The following NKAIN3 variants were observed in gnomAD, a reference collection of about 807,000 sequenced individuals.
The protein encoded by NKAIN3 is sodium/potassium transporting ATPase interacting 3.
Under a neutral mutation model 30.2 loss-of-function variants are expected in NKAIN3, and 25 were observed. That is an observed-to-expected ratio of 0.83 (90% CI 0.60 to 1.16). NKAIN3 has a LOEUF of 1.16. Among genes scored for constraint, NKAIN3 ranks in the 50% most tolerant of loss-of-function variants. The probability of loss-of-function intolerance (pLI) is 0.00; values close to 1 mark genes in which losing one functional copy is unlikely to be tolerated. For synonymous variants in NKAIN3, 91 were observed against 89.6 expected (o/e 1.02, Z -0.09); for missense variants, 225 against 254.1 (o/e 0.89, Z 0.78).
At chr8:62,650,940 A>T (rs999560416) in intron 3 of NKAIN3, among the ~76,000 whole-genome samples, 1 of 152,132 alleles carries the variant, frequency 6.6e-6, no homozygotes, top group Non-Finnish European at 1.5e-5. Flanking sequence ...TCTTTATGAG[A>T]AAAATATAAA....
rs542396930 is a variant in NKAIN3 at position 62,435,950 on chromosome 8, T to C, written c.55-143589T>C. ...CATTAAATATTCTACACAGTATGCCTTTATATGAGTATACAATGCTTTAAC... is the reference window on the plus strand; with the variant it reads ...CATTAAATATTCTACACAGTATGCCCTTATATGAGTATACAATGCTTTAAC... On this transcript the variant is annotated intron_variant, in intron 1 of 6. Transcript: ENST00000623646. Among the ~76,000 whole-genome samples the C allele has an allele frequency of 7.2e-5, 11 of 152,314 alleles. No individual in the cohort carries two copies. In the South Asian group the frequency reaches 2.3e-3, roughly 32 times the overall value.
At chr8:62,579,816 G>A in intron 2 of NKAIN3, 140 bp downstream of exon 2, 1 of 449,728 alleles carries the variant, frequency 2.2e-6, no homozygotes, top group Non-Finnish European at 3.7e-6. Context: ...ATTTTGTTAA[G>A]AAGTGATTAT....
chr8:62,676,350 C>T (rs1813473896), intron 3 of NKAIN3, among the ~76,000 whole-genome samples: 2 of 152,162 alleles, frequency 1.3e-5, no homozygotes, highest in South Asian at 2.1e-4. Flanking sequence ...AGGTGGATCA[C>T]GAGGTTAGGA....
chr8:62,946,935 G>A (rs1384430778), intron 5 of NKAIN3, among the ~76,000 whole-genome samples: 2 of 152,264 alleles, frequency 1.3e-5, no homozygotes, highest in East Asian at 1.9e-4. Context: ...AAACGCCTAC[G>A]TTCTGGTTAA....
chr8:62,493,621 C>A (rs568862292), intron 1 of NKAIN3, among the ~76,000 whole-genome samples: 1 of 152,042 alleles, frequency 6.6e-6, no homozygotes, highest in African/African-American at 2.4e-5. Context: ...GCAGTATGGC[C>A]ATTTTAGTGA....
intron 1 of NKAIN3, among the ~76,000 whole-genome samples, chr8:62,345,507 A>ACATATG (rs1815950574): frequency 5.4e-5 from 1 of 18,448 alleles, no homozygotes; most frequent in East Asian, 9.6e-3. Flanking sequence ...ATATATACAC[A>ACATATG]TATATACACA....
At chr8:62,275,020 A>C (rs1235017595) in intron 1 of NKAIN3, among the ~76,000 whole-genome samples, 1 of 152,148 alleles carries the variant, frequency 6.6e-6, no homozygotes, top group Non-Finnish European at 1.5e-5. Flanking sequence ...GTTGGTTCCA[A>C]ATCTTTGCTA....
At chr8:62,364,005 A>G (rs1334579672) in intron 1 of NKAIN3, among the ~76,000 whole-genome samples, 1 of 152,180 alleles carries the variant, frequency 6.6e-6, no homozygotes, top group Admixed American at 6.5e-5. Context: ...GCTAGGGTGA[A>G]ATGGTTACCC....
In NKAIN3 at chr8:62,981,588, T is replaced by A. The variant is rs1824078858; in HGVS notation, c.*16181T>A. 6.6e-6 allele frequency: 1 copy of A among 152,026 alleles called. No individual in the cohort carries two copies. Among genetic ancestry groups the A allele is most frequent in the Admixed American group, 6.6e-5 (1 of 15,256 alleles). The allele number at this position is 152,026 out of a possible 1,614,324, so 9.4% of individuals were successfully genotyped here. On this transcript the variant is annotated 3_prime_UTR_variant, in exon 7 of 7. Coordinates refer to ENST00000623646, the MANE Select transcript of NKAIN3 (RefSeq NM_001304533.3). ...GATAACTCACATTGAGAACTTGTGA[T>A]CTGAAAGCACTAAGGAATTTCTGCC...
intron 4 of NKAIN3, among the ~76,000 whole-genome samples, chr8:62,873,985 A>G (rs971885183): frequency 6.6e-5 from 10 of 152,148 alleles, no homozygotes; most frequent in Non-Finnish European, 1.2e-4. Context: ...AACTAAGATC[A>G]GAGAAGAATT....
At chr8:62,628,746 T>C (rs990956400) in intron 3 of NKAIN3, among the ~76,000 whole-genome samples, 3 of 152,124 alleles carry the variant, frequency 2.0e-5, no homozygotes, top group African/African-American at 7.2e-5. Flanking sequence ...GAAGTTCTTA[T>C]AGATTTCTCA....
intron 1 of NKAIN3, among the ~76,000 whole-genome samples, chr8:62,407,887 C>G (rs1804123949): frequency 6.6e-6 from 1 of 152,126 alleles, no homozygotes; most frequent in Non-Finnish European, 1.5e-5. Flanking sequence ...TATATTTGGT[C>G]TATGTGGTGG....
intron 4 of NKAIN3, among the ~76,000 whole-genome samples, chr8:62,829,312 CAAGCTTCCCACA>C (rs1819122675): frequency 6.6e-6 from 1 of 152,154 alleles, no homozygotes; most frequent in Non-Finnish European, 1.5e-5. Context: ...TCAGTTTTAA[CAAGCTTCCCACA>C]TGGTTCTTCT....
At chr8:62,590,389 C>G (rs1810615543) in intron 3 of NKAIN3, among the ~76,000 whole-genome samples, 1 of 151,848 alleles carries the variant, frequency 6.6e-6, no homozygotes, top group Non-Finnish European at 1.5e-5. Flanking sequence ...CTGTCTAGAA[C>G]TGTCAGCAAA....
intron 5 of NKAIN3, among the ~76,000 whole-genome samples, chr8:62,936,470 A>T (rs569899117): frequency 2.0e-5 from 3 of 152,212 alleles, no homozygotes; most frequent in Admixed American, 6.5e-5. Flanking sequence ...TAATCTCACA[A>T]ATGTCTATAT....
At chr8:62,785,772 A>G (rs1489672806) in intron 4 of NKAIN3, among the ~76,000 whole-genome samples, 2 of 152,172 alleles carry the variant, frequency 1.3e-5, no homozygotes, top group African/African-American at 2.4e-5. Flanking sequence ...TTAAAAGACA[A>G]TACATCACTC....
At chr8:62,296,754 C>T (rs993451688) in intron 1 of NKAIN3, among the ~76,000 whole-genome samples, 1 of 152,120 alleles carries the variant, frequency 6.6e-6, no homozygotes, top group African/African-American at 2.4e-5. Context: ...TCCAGGATTC[C>T]TATCTCTAGC....
intron 4 of NKAIN3, among the ~76,000 whole-genome samples, chr8:62,870,311 T>C (rs1474433064): frequency 4.3e-5 from 3 of 70,056 alleles, no homozygotes; most frequent in Admixed American, 1.2e-4. Context: ...CATCTATATA[T>C]AGAGAGATAT....
rs529623728 is a variant in NKAIN3 at position 62,815,045 on chromosome 8, C to T, written c.471+67916C>T. 3.9e-3 allele frequency among the ~76,000 whole-genome samples: 594 copies of T among 152,074 alleles called. 9 individuals are homozygous for T. The highest frequency in any genetic ancestry group is 0.014 in the African/African-American group (560 of 41,448). ...AAAATGATAAAGGGGATATCACCACCGATCCCACAGAAATACAAACTACCC... is the reference window on the plus strand; with the variant it reads ...AAAATGATAAAGGGGATATCACCACTGATCCCACAGAAATACAAACTACCC... On this transcript the variant is annotated intron_variant, in intron 4 of 6. Transcript: ENST00000623646.
Sources: gnomAD v4.1 joint callset for allele counts (sites outside exome capture counted in the v4.1 genomes callset) on GRCh38, gnomAD v4.1.1 for gene constraint, MANE v1.5 for transcripts, NCBI Gene and HGNC (gene_info 2026-07-23, HGNC 2026-07-21) for gene names.